OPCML: variants seen among roughly 807,000 people sequenced by gnomAD.
The protein encoded by OPCML is opioid-binding protein/cell adhesion molecule.
OPCML carries 13 observed loss-of-function variants against 37.8 expected under a neutral mutation model. The observed-to-expected ratio is 0.34, with a 90% CI of 0.22 to 0.55. The LOEUF is 0.55. Ranked by LOEUF, OPCML falls within the 20% of genes least tolerant of loss-of-function variation. The pLI is 0.91. For synonymous variants in OPCML, 176 were observed against 168.8 expected, an observed-to-expected ratio of 1.04 and a Z score of -0.33; for missense variants, 341 against 435.6, an observed-to-expected ratio of 0.78 and a Z score of 1.93.
intron 1 of OPCML, among the ~76,000 whole-genome samples, chr11:133,377,325 G>A (rs925145921): frequency 3.9e-5 from 6 of 152,092 alleles, no homozygotes; most frequent in Non-Finnish European, 1.5e-5. Context: ...AGCTCAAGAT[G>A]TTTCCAGCCA....
intron 3 of OPCML, among the ~76,000 whole-genome samples, chr11:132,642,679 T>C (rs1290605987): frequency 1.3e-5 from 2 of 152,170 alleles, no homozygotes; most frequent in Non-Finnish European, 2.9e-5. Flanking sequence ...TTTAATAAAC[T>C]ATAGAGGGTT....
intron 1 of OPCML, among the ~76,000 whole-genome samples, chr11:132,983,386 T>C (rs138713495): frequency 1.3e-5 from 2 of 152,344 alleles, no homozygotes; most frequent in African/African-American, 4.8e-5. Context: ...ACTCAAGCAA[T>C]AAATATTTCA....
At chr11:133,287,452 G>A (rs1942333884) in intron 1 of OPCML, among the ~76,000 whole-genome samples, 1 of 146,652 alleles carries the variant, frequency 6.8e-6, no homozygotes, top group Non-Finnish European at 1.5e-5. Context: ...GATTTTAGCT[G>A]TTTGATAGCC....
chr11:133,502,457 C>T (rs985714920), intron 1 of OPCML, among the ~76,000 whole-genome samples: 4 of 152,164 alleles, frequency 2.6e-5, no homozygotes, highest in South Asian at 2.1e-4. Context: ...GCCGCTCCCT[C>T]GCCCCAACTG....
chr11:133,295,940 C>T (rs1467645005), intron 1 of OPCML, among the ~76,000 whole-genome samples: 1 of 152,132 alleles, frequency 6.6e-6, no homozygotes. Flanking sequence ...ATAACATCTG[C>T]CAGATTTCCT....
intron 1 of OPCML, among the ~76,000 whole-genome samples, chr11:133,431,787 TA>T (rs932135146): frequency 8.8e-5 from 13 of 147,806 alleles, no homozygotes; most frequent in Non-Finnish European, 1.5e-4. Flanking sequence ...ATTTTATATA[TA>T]TATATAAAAT....
At chr11:133,102,675 G>T (rs2382619) in intron 1 of OPCML, among the ~76,000 whole-genome samples, 63,829 of 151,968 alleles carry the variant, frequency 0.42, 15,672 homozygotes, top group Admixed American at 0.54. Context: ...GAGTGAACCC[G>T]GGAGGTGGAG....
intron 2 of OPCML, among the ~76,000 whole-genome samples, chr11:132,666,577 A>T (rs1942233163): frequency 1.3e-5 from 2 of 152,240 alleles, no homozygotes; most frequent in African/African-American, 2.4e-5. Context: ...TTACTCACAC[A>T]TGCAGTCTAG....
intron 1 of OPCML, among the ~76,000 whole-genome samples, chr11:133,150,782 A>C (rs1231273108): frequency 6.6e-6 from 1 of 152,128 alleles, no homozygotes; most frequent in Non-Finnish European, 1.5e-5. Flanking sequence ...CCTGGTCATA[A>C]AAATGAGTGT....
At chr11:132,503,970 T>C (rs146017028) in intron 4 of OPCML, among the ~76,000 whole-genome samples, 31 of 152,334 alleles carry the variant, frequency 2.0e-4, no homozygotes, top group African/African-American at 6.7e-4. Context: ...GTATCTTTTA[T>C]GCACCTTTGT....
intron 1 of OPCML, among the ~76,000 whole-genome samples, chr11:133,454,177 T>A (rs1946631531): frequency 6.6e-6 from 1 of 152,214 alleles, no homozygotes. Flanking sequence ...CAAGTTTCAT[T>A]TTTGTTTTGA....
intron 2 of OPCML, among the ~76,000 whole-genome samples, chr11:132,919,478 G>A (rs528458867): frequency 3.9e-5 from 6 of 152,302 alleles, no homozygotes; most frequent in South Asian, 2.1e-4. Context: ...GGAATTAGGT[G>A]GAATCTGTTC....
intron 3 of OPCML, among the ~76,000 whole-genome samples, chr11:132,656,337 T>C (rs1056456400): frequency 6.6e-6 from 1 of 152,216 alleles, no homozygotes; most frequent in African/African-American, 2.4e-5. Flanking sequence ...ATCTGACATT[T>C]CTTCAGCCCC....
intron 4 of OPCML, among the ~76,000 whole-genome samples, chr11:132,443,196 G>A (rs764459717): frequency 4.6e-5 from 7 of 152,158 alleles, no homozygotes; most frequent in Non-Finnish European, 8.8e-5. Context: ...CATTTCTGGG[G>A]GCTTGTGCCA....
chr11:133,257,741 T>G (rs890290507), intron 1 of OPCML, among the ~76,000 whole-genome samples: 1 of 152,210 alleles, frequency 6.6e-6, no homozygotes, highest in African/African-American at 2.4e-5. Context: ...AATCTTGTTA[T>G]GACTTATGCC....
At chr11:133,393,037 A>G (rs1945205619) in intron 1 of OPCML, among the ~76,000 whole-genome samples, 1 of 79,206 alleles carries the variant, frequency 1.3e-5, no homozygotes, top group African/African-American at 6.7e-5. Flanking sequence ...CTGTCTGTTT[A>G]GTGACTTTTT....
intron 3 of OPCML, among the ~76,000 whole-genome samples, chr11:132,593,640 G>C (rs986592789): frequency 6.6e-6 from 1 of 152,154 alleles, no homozygotes; most frequent in African/African-American, 2.4e-5. Context: ...TGTAGCACTA[G>C]ACATGGGAGA....
chr11:132,841,961 C>T (rs1429219206), intron 2 of OPCML, among the ~76,000 whole-genome samples: 4 of 150,264 alleles, frequency 2.7e-5, no homozygotes, highest in Non-Finnish European at 5.9e-5. Context: ...CAGGTCAATC[C>T]ATCTGCATGC....
chr11:133,122,296 G>A (rs1949434491), intron 1 of OPCML, among the ~76,000 whole-genome samples: 1 of 152,142 alleles, frequency 6.6e-6, no homozygotes, highest in Non-Finnish European at 1.5e-5. Flanking sequence ...GATAGTCTTG[G>A]GGGAGCAGTG....
Sources: gnomAD v4.1 joint callset for allele counts (sites outside exome capture counted in the v4.1 genomes callset) on GRCh38, gnomAD v4.1.1 for gene constraint, MANE v1.5 for transcripts, NCBI Gene and HGNC (gene_info 2026-07-23, HGNC 2026-07-21) for gene names.